ITGA9: variants seen among roughly 807,000 people sequenced by gnomAD.
ITGA9 encodes the protein integrin alpha-9.
Under a neutral mutation model 127.8 loss-of-function variants are expected in ITGA9, and 56 were observed. The ratio of observed to expected loss-of-function variants is 0.44; its 90% CI spans 0.35 to 0.55. The LOEUF is 0.55. Ranked by LOEUF, ITGA9 falls within the 20% of genes least tolerant of loss-of-function variation. The pLI, the probability that ITGA9 is intolerant of heterozygous loss-of-function variation, is 0.00. For missense variants in ITGA9, 1,196 were observed against 1,347.1 expected (o/e 0.89, Z 1.76); for synonymous variants, 508 against 514.5 (o/e 0.99, Z 0.17).
rs745758707 is a variant in ITGA9, at chr3:37,803,831, C to T, written c.2898C>T (p.Phe966=). ...GTTGCGTTGCCTCCTAGGTGGTCTTCGAGGCCCTGCACAATCTGGAGCCCC... is the reference window on the plus strand; with the variant it reads ...GTTGCGTTGCCTCCTAGGTGGTCTTTGAGGCCCTGCACAATCTGGAGCCCC... ...HGNPEEVTVV[F]EALHNLEPRG... The change falls in exon 27 of 28, where the codon TTC becomes TTT. Residue 966 remains phenylalanine (F), a synonymous_variant. Coordinates refer to ENST00000264741, the MANE Select transcript of ITGA9 (RefSeq NM_002207.3). 9.3e-6 allele frequency: 15 copies of T among 1,613,954 alleles called. No individual in the cohort carries two copies. Among genetic ancestry groups the T allele is most frequent in the African/African-American group, 6.7e-5 (5 of 74,882 alleles).
At position 37,624,200 on chromosome 3, in the gene ITGA9, C is replaced by CTTTTTTT. The variant is rs58307041; in HGVS notation, c.1690-4970_1690-4964dup. On this transcript the variant is annotated intron_variant, in intron 15 of 27. Transcript: ENST00000264741. Reference sequence around the variant, plus strand: ...GGTTAGCTAAGGAAGAAAAAAAACCCTTTTTTTTTTTTTTTTTTTTTTTAA... The same window carrying CTTTTTTT: ...GGTTAGCTAAGGAAGAAAAAAAACCCTTTTTTTTTTTTTTTTTTTTTTTTTTTTTTAA... Among the ~76,000 whole-genome samples the CTTTTTTT allele has an allele frequency of 6.7e-3, 575 of 85,746 alleles. 26 individuals are homozygous for CTTTTTTT. The highest frequency in any genetic ancestry group is 0.02 in the Middle Eastern group (2 of 100). The allele number at this position is 85,746 out of a possible 152,430, so 56.3% of individuals were successfully genotyped here.
At chr3:37,636,496 A>C (rs1031543427) in intron 16 of ITGA9, among the ~76,000 whole-genome samples, 21 of 152,040 alleles carry the variant, frequency 1.4e-4, no homozygotes, top group Admixed American at 1.0e-3. Flanking sequence ...TTTTTCTTGT[A>C]AATTTGTTTG....
chr3:37,628,056 C>T (rs1054147874), intron 15 of ITGA9, among the ~76,000 whole-genome samples: 1 of 152,142 alleles, frequency 6.6e-6, no homozygotes, highest in Non-Finnish European at 1.5e-5. Flanking sequence ...TCCAAACGCC[C>T]CCAAACTTCA....
At chr3:37,671,957 G>A (rs186268861) in intron 17 of ITGA9, among the ~76,000 whole-genome samples, 287 of 152,150 alleles carry the variant, frequency 1.9e-3, no homozygotes, top group African/African-American at 5.6e-3. Context: ...ATAAAGCCAC[G>A]TACAGTTATG....
chr3:37,517,631 A>G (rs1698997490), intron 10 of ITGA9, 22 bp downstream of exon 10: 5 of 1,504,878 alleles, frequency 3.3e-6, no homozygotes, highest in African/African-American at 1.4e-5. Context: ...CTCCTGGTGC[A>G]CGGAGCCCCT....
chr3:37,579,405 T>C (rs1313342185), intron 15 of ITGA9, among the ~76,000 whole-genome samples: 1 of 152,068 alleles, frequency 6.6e-6, no homozygotes, highest in Non-Finnish European at 1.5e-5. Context: ...AGCCATCACA[T>C]CCAAATTCCA....
At chr3:37,547,688 G>A (rs1699340507) in intron 15 of ITGA9, among the ~76,000 whole-genome samples, 1 of 152,122 alleles carries the variant, frequency 6.6e-6, no homozygotes, top group African/African-American at 2.4e-5. Flanking sequence ...AAATCTCCGG[G>A]TCATCTTGAG....
chr3:37,636,597 A>G (rs1462263936), intron 16 of ITGA9, among the ~76,000 whole-genome samples: 2 of 152,222 alleles, frequency 1.3e-5, no homozygotes, highest in Admixed American at 6.5e-5. Flanking sequence ...GTTCACTCTG[A>G]TGGTAGTTTC....
chr3:37,784,739 T>C (rs1697018175), intron 25 of ITGA9, among the ~76,000 whole-genome samples: 1 of 152,194 alleles, frequency 6.6e-6, no homozygotes, highest in African/African-American at 2.4e-5. Flanking sequence ...CTTGCGTGTG[T>C]TGATTACTGG....
chr3:37,454,213 G>A (rs922468289), intron 1 of ITGA9, among the ~76,000 whole-genome samples: 1 of 152,244 alleles, frequency 6.6e-6, no homozygotes, highest in African/African-American at 2.4e-5. Context: ...CTGCCTTGGA[G>A]CTCTTTGACA....
chr3:37,777,356 G>C, intron 23 of ITGA9, 36 bp from the exon 24 acceptor site: 1 of 1,613,446 alleles, frequency 6.2e-7, no homozygotes, highest in South Asian at 1.1e-5. Context: ...TCATTCTTGA[G>C]AATGACTCCT....
intron 22 of ITGA9, chr3:37,747,999 A>G (rs762539525): frequency 1.0e-5 from 3 of 290,358 alleles, no homozygotes; most frequent in Non-Finnish European, 2.0e-5. Context: ...TACTTAGCAT[A>G]ATGACCTCCA....
intron 23 of ITGA9, among the ~76,000 whole-genome samples, chr3:37,773,245 G>A (rs1425932781): frequency 6.6e-6 from 1 of 152,242 alleles, no homozygotes; most frequent in African/African-American, 2.4e-5. Flanking sequence ...GATGCATCCT[G>A]CAGGGCTCAG....
At chr3:37,546,907 C>G (rs1473411918) in intron 15 of ITGA9, among the ~76,000 whole-genome samples, 3 of 152,236 alleles carry the variant, frequency 2.0e-5, no homozygotes, top group Non-Finnish European at 2.9e-5. Context: ...TGCTCATCCT[C>G]TAATCCTGTA....
chr3:37,623,767 C>T (rs558378102), intron 15 of ITGA9, among the ~76,000 whole-genome samples: 19 of 151,838 alleles, frequency 1.3e-4, no homozygotes, highest in African/African-American at 4.1e-4. Context: ...GTTACTCTAT[C>T]ATTACTGGAA....
chr3:37,538,453 C>G (rs909705071), intron 14 of ITGA9, among the ~76,000 whole-genome samples: 29 of 152,202 alleles, frequency 1.9e-4, no homozygotes, highest in African/African-American at 7.0e-4. Flanking sequence ...CACAAGCTGC[C>G]AGAAGGAAAA....
Position 37,748,394 on chromosome 3 carries a change from A to T in ITGA9, c.2434-2068A>T, listed in dbSNP as rs144746756. ...AAGAAAATTAATGTACGTATTGAGCACATTAAGCACTCTAAGAGCCAAGAT... is the reference window on the plus strand; with the variant it reads ...AAGAAAATTAATGTACGTATTGAGCTCATTAAGCACTCTAAGAGCCAAGAT... On this transcript the variant is annotated intron_variant, in intron 22 of 27. Transcript: ENST00000264741. 6.2e-3 allele frequency: 3,736 copies of T among 599,150 alleles called. 23 individuals carry two copies. The highest frequency in any genetic ancestry group is 9.8e-3 in the Non-Finnish European group (3,107 of 318,188). The allele number at this position is 599,150 out of a possible 1,614,324, so 37.1% of individuals were successfully genotyped here.
intron 14 of ITGA9, 44 bp from the exon 15 acceptor site, chr3:37,542,381 T>C (rs747155401): frequency 1.2e-6 from 2 of 1,608,706 alleles, no homozygotes; most frequent in South Asian, 2.2e-5. Flanking sequence ...CTCATCACAG[T>C]GTGTCGGTCC....
At chr3:37,526,946 GGGA>G (rs1327958402) in intron 13 of ITGA9, among the ~76,000 whole-genome samples, 1 of 152,200 alleles carries the variant, frequency 6.6e-6, no homozygotes, top group Non-Finnish European at 1.5e-5. Context: ...TTACTTCTAA[GGGA>G]ACCAGCTTGC....
Sources: gnomAD v4.1 joint callset for allele counts (sites outside exome capture counted in the v4.1 genomes callset) on GRCh38, gnomAD v4.1.1 for gene constraint, MANE v1.5 for transcripts, NCBI Gene and HGNC (gene_info 2026-07-23, HGNC 2026-07-21) for gene names.